CNTNAP2: variants seen among roughly 807,000 people sequenced by gnomAD.
The protein encoded by CNTNAP2 is contactin-associated protein-like 2.
CNTNAP2 carries 98 observed loss-of-function variants against 155.2 expected under a neutral mutation model. The observed-to-expected ratio is 0.63, with a 90% CI of 0.54 to 0.75. The LOEUF is 0.75. Among genes scored for constraint, CNTNAP2 ranks in the 30% least tolerant of loss-of-function variants. The pLI is 0.00. For synonymous variants in CNTNAP2, 651 were observed against 631.2 expected, an observed-to-expected ratio of 1.03 and a Z score of -0.47; for missense variants, 1,727 against 1,688.1, an observed-to-expected ratio of 1.02 and a Z score of -0.40.
intron 1 of CNTNAP2, among the ~76,000 whole-genome samples, chr7:146,707,586 G>T (rs1800988414): frequency 6.6e-6 from 1 of 151,996 alleles, no homozygotes; most frequent in African/African-American, 2.4e-5. Flanking sequence ...CCAGAGTCAG[G>T]TTGACCCTGT....
At chr7:147,879,245 C>A (rs1306485827) in intron 13 of CNTNAP2, among the ~76,000 whole-genome samples, 10 of 152,118 alleles carry the variant, frequency 6.6e-5, no homozygotes, top group Admixed American at 6.6e-4. Flanking sequence ...TGAAATAAGG[C>A]AACATTGGCC....
intron 1 of CNTNAP2, among the ~76,000 whole-genome samples, chr7:146,391,860 G>A (rs1217632786): frequency 6.6e-6 from 1 of 152,104 alleles, no homozygotes; most frequent in Non-Finnish European, 1.5e-5. Flanking sequence ...AGAAGGAAGA[G>A]AGGATCAGAA....
At chr7:148,317,681 A>G (rs1298688478) in intron 21 of CNTNAP2, among the ~76,000 whole-genome samples, 2 of 152,080 alleles carry the variant, frequency 1.3e-5, no homozygotes, top group Non-Finnish European at 2.9e-5. Flanking sequence ...ACAGTAGATA[A>G]GGTCTTGGTT....
intron 13 of CNTNAP2, among the ~76,000 whole-genome samples, chr7:147,721,350 G>T (rs1186934929): frequency 6.6e-6 from 1 of 152,046 alleles, no homozygotes; most frequent in Admixed American, 6.6e-5. Flanking sequence ...TATGTTATGG[G>T]TTTGCAGTTT....
At chr7:147,841,208 C>T (rs888042362) in intron 13 of CNTNAP2, among the ~76,000 whole-genome samples, 3 of 152,044 alleles carry the variant, frequency 2.0e-5, no homozygotes, top group South Asian at 2.1e-4. Flanking sequence ...CATTTCTTTG[C>T]TTTATTTTCT....
chr7:147,937,196 C>T (rs1049552388), intron 14 of CNTNAP2, among the ~76,000 whole-genome samples: 2 of 152,080 alleles, frequency 1.3e-5, no homozygotes, highest in African/African-American at 2.4e-5. Context: ...GAGGACAGAA[C>T]CAGATTGGTC....
chr7:146,501,873 GT>G (rs1797305267), intron 1 of CNTNAP2, among the ~76,000 whole-genome samples: 1 of 152,100 alleles, frequency 6.6e-6, no homozygotes, highest in East Asian at 1.9e-4. Flanking sequence ...GGAAGGCCAT[GT>G]TAACCTGAAG....
intron 21 of CNTNAP2, 124 bp downstream of exon 21, chr7:148,267,250 A>G: frequency 2.4e-6 from 2 of 842,404 alleles, no homozygotes; most frequent in South Asian, 1.4e-5. Context: ...TCTTCTCTGT[A>G]CAGGAAAGTT....
intron 21 of CNTNAP2, among the ~76,000 whole-genome samples, chr7:148,331,516 AT>A (rs1798011403): frequency 9.8e-6 from 1 of 102,134 alleles, no homozygotes; most frequent in Non-Finnish European, 1.8e-5. Context: ...GGATGGATGG[AT>A]GGATGGAATG....
intron 1 of CNTNAP2, among the ~76,000 whole-genome samples, chr7:146,457,258 T>A (rs1356673076): frequency 2.6e-5 from 4 of 151,714 alleles, no homozygotes; most frequent in African/African-American, 7.3e-5. Context: ...TTCTGTGATC[T>A]TTATAGAAAG....
intron 5 of CNTNAP2, 58 bp from the exon 6 acceptor site, chr7:147,120,921 T>C: frequency 8.6e-6 from 13 of 1,506,848 alleles, no homozygotes; most frequent in Non-Finnish European, 1.2e-5. Context: ...GATCTTCTGC[T>C]TCACAGAGTT....
chr7:147,645,858 T>C (rs1373050487), intron 13 of CNTNAP2, among the ~76,000 whole-genome samples: 1 of 152,180 alleles, frequency 6.6e-6, no homozygotes, highest in African/African-American at 2.4e-5. Flanking sequence ...GACACTAATT[T>C]GAAGGAAGTG....
At chr7:147,799,998 A>G (rs1355203308) in intron 13 of CNTNAP2, among the ~76,000 whole-genome samples, 1 of 152,258 alleles carries the variant, frequency 6.6e-6, no homozygotes, top group Non-Finnish European at 1.5e-5. Context: ...GCATTTGTGG[A>G]TGAGTACAAA....
intron 13 of CNTNAP2, 111 bp downstream of exon 13, chr7:147,639,417 G>A (rs1277885263): frequency 1.0e-6 from 1 of 964,798 alleles, no homozygotes; most frequent in Non-Finnish European, 1.6e-6. Context: ...TCTTCAGTAG[G>A]AAGGAAGCTG....
At chr7:147,744,731 C>T (rs80057943) in intron 13 of CNTNAP2, among the ~76,000 whole-genome samples, 31,539 of 151,888 alleles carry the variant, frequency 0.21, 3,454 homozygotes, top group Middle Eastern at 0.39. Context: ...CTTGTTGTAT[C>T]CTCATATGGC....
At chr7:147,440,373 C>T (rs527568099) in intron 10 of CNTNAP2, among the ~76,000 whole-genome samples, 1 of 152,192 alleles carries the variant, frequency 6.6e-6, no homozygotes, top group South Asian at 2.1e-4. Context: ...ACCCTAATTT[C>T]GTCCCCTGGT....
intron 8 of CNTNAP2, among the ~76,000 whole-genome samples, chr7:147,214,306 C>T (rs1394856618): frequency 6.6e-6 from 1 of 152,150 alleles, no homozygotes; most frequent in African/African-American, 2.4e-5. Context: ...GGCTTAGGAG[C>T]ACAGACTCCA....
rs151120585 is a variant in CNTNAP2, at chr7:146,834,507, G to A, written c.209-5204G>A. Reference sequence around the variant, plus strand: ...GAGTGAGGAAGGAAAGACAGATGGAGGATGGGAGGGGTGGGAAAGGGAAGA... The same window carrying A: ...GAGTGAGGAAGGAAAGACAGATGGAAGATGGGAGGGGTGGGAAAGGGAAGA... On this transcript the variant is annotated intron_variant, in intron 2 of 23. Coordinates refer to ENST00000361727, the MANE Select transcript of CNTNAP2 (RefSeq NM_014141.6). Among the ~76,000 whole-genome samples the A allele has an allele frequency of 1.2e-3, 180 of 152,218 alleles. 1 individual carries two copies. Among genetic ancestry groups the A allele is most frequent in the African/African-American group, 3.7e-3 (154 of 41,538 alleles).
intron 21 of CNTNAP2, among the ~76,000 whole-genome samples, chr7:148,349,196 G>A (rs545966796): frequency 6.6e-6 from 1 of 152,114 alleles, no homozygotes; most frequent in Non-Finnish European, 1.5e-5. Context: ...TAGTATGATA[G>A]AGAGTGATCA....
Sources: allele counts gnomAD v4.1 joint callset (sites outside exome capture counted in the v4.1 genomes callset), GRCh38; gene constraint gnomAD v4.1.1; transcripts MANE v1.5; gene names NCBI Gene and HGNC (gene_info 2026-07-23, HGNC 2026-07-21).